Variants in WDPCP observed in about 807,000 individuals in gnomAD.
WDPCP encodes the protein WD repeat-containing and planar cell polarity effector protein fritz homolog.
WDPCP carries 71 observed loss-of-function variants against 93.1 expected under a neutral mutation model. The observed-to-expected ratio is 0.76, with a 90% CI of 0.63 to 0.93. The LOEUF (loss-of-function observed/expected upper bound fraction) is 0.93. WDPCP is among the 40% of genes least tolerant of loss of function. WDPCP has a pLI of 0.00. For missense variants in WDPCP, 844 were observed against 887.4 expected (o/e 0.95, Z 0.62); for synonymous variants, 315 against 315.0 (o/e 1.00, Z 0.00).
In WDPCP at chr2:63,251,523, G is replaced by A. The variant is rs561749372; in HGVS notation, c.1915+7784C>T. Reference sequence around the variant, plus strand: ...TTTTTTTTTTTTGAGACAGAGTCTCGCTCTGTCGTCGAGGCTGGAGTGCAG... The same window carrying A: ...TTTTTTTTTTTTGAGACAGAGTCTCACTCTGTCGTCGAGGCTGGAGTGCAG... On this transcript the variant is annotated intron_variant, in intron 14 of 17. Transcript: ENST00000272321. 9.9e-5 allele frequency among the ~76,000 whole-genome samples: 12 copies of A among 121,122 alleles called. No homozygotes were observed. The South Asian group carries it at 1.0e-3, about 10-fold the overall frequency. The allele number at this position is 121,122 out of a possible 152,430, so 79.5% of individuals were successfully genotyped here. A position where few individuals can be genotyped will look rare whatever the true frequency, so the allele number is the denominator to read the frequency against.
intron 13 of WDPCP, among the ~76,000 whole-genome samples, chr2:63,268,222 CAGAA>C (rs1272384626): frequency 1.3e-5 from 2 of 151,976 alleles, no homozygotes; most frequent in East Asian, 1.9e-4. Flanking sequence ...AAGCTAGGTA[CAGAA>C]AGAAAGATAC....
At chr2:63,532,235 A>T (rs1180690262) in intron 1 of WDPCP, among the ~76,000 whole-genome samples, 1 of 152,224 alleles carries the variant, frequency 6.6e-6, no homozygotes, top group South Asian at 2.1e-4. Context: ...TCTACGTCTG[A>T]TTGGTGTACC....
intron 13 of WDPCP, among the ~76,000 whole-genome samples, chr2:63,309,456 G>C (rs1429932918): frequency 6.6e-6 from 1 of 152,076 alleles, no homozygotes; most frequent in East Asian, 1.9e-4. Flanking sequence ...AAGGGTTCAA[G>C]TCCAGTCTGA....
chr2:63,330,088 C>G (rs1381332083), intron 12 of WDPCP, among the ~76,000 whole-genome samples: 1 of 152,076 alleles, frequency 6.6e-6, no homozygotes, highest in Non-Finnish European at 1.5e-5. Context: ...GATTTCATTT[C>G]CTTTTGACAT....
chr2:63,669,172 G>T (rs1374832658), intron 2 of WDPCP, among the ~76,000 whole-genome samples: 1 of 152,154 alleles, frequency 6.6e-6, no homozygotes, highest in African/African-American at 2.4e-5. Flanking sequence ...TTCGTCATTA[G>T]CTTCTCTGAA....
At chr2:63,223,578 C>T (rs575413407) in intron 14 of WDPCP, among the ~76,000 whole-genome samples, 3 of 152,228 alleles carry the variant, frequency 2.0e-5, no homozygotes, top group South Asian at 4.1e-4. Flanking sequence ...TTCTGCGAAA[C>T]ATAAGACTCA....
At chr2:63,189,567 G>A (rs1674885901) in intron 14 of WDPCP, among the ~76,000 whole-genome samples, 1 of 152,136 alleles carries the variant, frequency 6.6e-6, no homozygotes, top group Non-Finnish European at 1.5e-5. Flanking sequence ...TGTGTATATA[G>A]ATCTACATAG....
At chr2:63,520,617 C>T (rs576229849) in intron 1 of WDPCP, among the ~76,000 whole-genome samples, 9 of 152,204 alleles carry the variant, frequency 5.9e-5, no homozygotes, top group African/African-American at 1.7e-4. Flanking sequence ...TTCATCCAGG[C>T]GTGATGGCTC....
chr2:63,813,801 C>T (rs1246673353), intron 1 of WDPCP: 1 of 152,136 alleles, frequency 6.6e-6, no homozygotes, highest in Non-Finnish European at 1.5e-5. Context: ...TATTCTCTCT[C>T]CAGTCACAGA....
intron 1 of WDPCP, among the ~76,000 whole-genome samples, chr2:63,815,523 G>A (rs778345516): frequency 1.5e-4 from 23 of 152,226 alleles, no homozygotes; most frequent in Non-Finnish European, 1.5e-5. Context: ...TGGGCCTAGA[G>A]TTGTGAGATA....
chr2:63,136,968 C>T (rs1246758281), intron 17 of WDPCP, among the ~76,000 whole-genome samples: 1 of 152,118 alleles, frequency 6.6e-6, no homozygotes, highest in African/African-American at 2.4e-5. Flanking sequence ...TATTGATGGG[C>T]ATTTAGGTTG....
chr2:63,328,905 C>G (rs1450428908), intron 12 of WDPCP, among the ~76,000 whole-genome samples: 5 of 151,800 alleles, frequency 3.3e-5, no homozygotes, highest in Non-Finnish European at 1.5e-5. Flanking sequence ...TTTTTTTTAT[C>G]TTTTGTAGAG....
intron 2 of WDPCP, among the ~76,000 whole-genome samples, chr2:63,785,981 G>C (rs146415845): frequency 2.6e-3 from 395 of 152,200 alleles, no homozygotes; most frequent in Middle Eastern, 0.014. Flanking sequence ...TTTTAAAAAA[G>C]AGTTATGTGT....
intron 6 of WDPCP, among the ~76,000 whole-genome samples, chr2:63,463,366 TACAG>T (rs1699146205): frequency 6.6e-6 from 1 of 152,074 alleles, no homozygotes; most frequent in East Asian, 1.9e-4. Flanking sequence ...AGACTCTAAA[TACAG>T]ACAATTTTGT....
intron 13 of WDPCP, among the ~76,000 whole-genome samples, chr2:63,281,170 G>A (rs1193440577): frequency 6.6e-6 from 1 of 151,996 alleles, no homozygotes; most frequent in African/African-American, 2.4e-5. Flanking sequence ...AGTAGGCTAA[G>A]GACATGAATA....
At chr2:63,582,433 G>A (rs1558842997) in intron 1 of WDPCP, among the ~76,000 whole-genome samples, 1 of 152,078 alleles carries the variant, frequency 6.6e-6, no homozygotes, top group Non-Finnish European at 1.5e-5. Flanking sequence ...ACTTCAATCA[G>A]CTCAAAATAC....
intron 2 of WDPCP, among the ~76,000 whole-genome samples, chr2:63,680,375 G>A (rs1710477759): frequency 6.6e-6 from 1 of 152,218 alleles, no homozygotes; most frequent in Non-Finnish European, 1.5e-5. Context: ...GAGAATCTGT[G>A]TGCTTACAGG....
rs74332137 is a variant in WDPCP, at chr2:63,314,839, G to A, written c.1749-1528C>T. Among the ~76,000 whole-genome samples the A allele has an allele frequency of 3.2e-3, 483 of 152,234 alleles. 3 individuals are homozygous for A. The highest frequency in any genetic ancestry group is 0.011 in the African/African-American group (445 of 41,552). On this transcript the variant is annotated intron_variant, in intron 12 of 17. Transcript: ENST00000272321. The stretch of plus-strand genomic sequence containing the variant: ...TTTCAAGGCACCTCAAAGTTAACAT[G>A]TCTAACATGTTCACTGAAACATCAA...
At chr2:63,591,388 A>C (rs540821902), upstream of WDPCP, among the ~76,000 whole-genome samples, 1 of 152,348 alleles carries the variant, frequency 6.6e-6, no homozygotes, top group Non-Finnish European at 1.5e-5. Flanking sequence ...GGAATTACCT[A>C]CCTGGGAAAG....
Sources: allele counts gnomAD v4.1 joint callset (sites outside exome capture counted in the v4.1 genomes callset), GRCh38; gene constraint gnomAD v4.1.1; transcripts MANE v1.5; gene names NCBI Gene and HGNC (gene_info 2026-07-23, HGNC 2026-07-21).